PAMR1: variants seen among roughly 807,000 people sequenced by gnomAD.
PAMR1 encodes peptidase domain containing associated with muscle regeneration 1, also known as inactive serine protease PAMR1.
In PAMR1, 88 loss-of-function variants were observed where a neutral mutation model predicts 81.8. The ratio of observed to expected loss-of-function variants is 1.08; its 90% CI spans 0.91 to 1.28. The LOEUF (loss-of-function observed/expected upper bound fraction) is 1.28. Among genes scored for constraint, PAMR1 ranks in the 50% most tolerant of loss-of-function variants. The pLI is 0.00. For missense variants in PAMR1, 935 were observed against 919.7 expected (o/e 1.02, Z -0.21); for synonymous variants, 336 against 345.3 (o/e 0.97, Z 0.30).
At chr11:35,432,921 G>C (rs760471763) in intron 10 of PAMR1, 29 bp from the exon 11 acceptor site, 17 of 1,534,970 alleles carry the variant, frequency 1.1e-5, no homozygotes, top group South Asian at 2.5e-5. Flanking sequence ...GGCAGCAATG[G>C]TGAGGAGCCA....
chr11:35,448,298 T>A (rs1856338671), intron 6 of PAMR1, among the ~76,000 whole-genome samples: 1 of 152,202 alleles, frequency 6.6e-6, no homozygotes, highest in South Asian at 2.1e-4. Context: ...TTGGTCTTTT[T>A]ACATAATCCC....
chr11:35,508,229 T>G (rs1449659791), intron 1 of PAMR1, among the ~76,000 whole-genome samples: 1 of 152,184 alleles, frequency 6.6e-6, no homozygotes. Context: ...TCCACCTCAA[T>G]ATCAGTTTTT....
intron 3 of PAMR1, among the ~76,000 whole-genome samples, chr11:35,476,689 A>G (rs984885195): frequency 8.5e-5 from 13 of 152,148 alleles, no homozygotes; most frequent in African/African-American, 2.7e-4. Flanking sequence ...TCCACCTAGC[A>G]TCCAAAGCCA....
intron 6 of PAMR1, among the ~76,000 whole-genome samples, chr11:35,442,979 T>G (rs1856208542): frequency 6.6e-6 from 1 of 152,178 alleles, no homozygotes; most frequent in Admixed American, 6.5e-5. Flanking sequence ...AATTATTACC[T>G]GAGTATATTG....
chr11:35,450,468 C>T (rs556342241), intron 6 of PAMR1, among the ~76,000 whole-genome samples: 1 of 152,302 alleles, frequency 6.6e-6, no homozygotes, highest in East Asian at 1.9e-4. Flanking sequence ...TTTCTTAATG[C>T]TTCAAGTGGA....
intron 1 of PAMR1, among the ~76,000 whole-genome samples, chr11:35,511,769 C>A (rs1014214031): frequency 6.6e-6 from 1 of 152,216 alleles, no homozygotes; most frequent in African/African-American, 2.4e-5. Flanking sequence ...CTGTCTGAAT[C>A]TCTGGTATTG....
At chr11:35,487,268 A>G (rs1850528756) in intron 3 of PAMR1, among the ~76,000 whole-genome samples, 1 of 151,822 alleles carries the variant, frequency 6.6e-6, no homozygotes, top group South Asian at 2.1e-4. Context: ...GAAAGCTTCA[A>G]CTTAGAAACT....
intron 1 of PAMR1, among the ~76,000 whole-genome samples, chr11:35,501,123 CTTTTTTTTTCTTT>C (rs1250205741): frequency 1.5e-5 from 2 of 129,726 alleles, no homozygotes; most frequent in South Asian, 2.8e-4. Context: ...ATTTTATAAC[CTTTTTTTTTCTTT>C]TTTTTTTTTT....
At chr11:35,513,426 G>A (rs909016613) in intron 1 of PAMR1, 1 of 152,210 alleles carries the variant, frequency 6.6e-6, no homozygotes, top group Non-Finnish European at 1.5e-5. Flanking sequence ...TCCAGAGTCA[G>A]AGAGCATTAA....
chr11:35,466,512 G>A (rs972359409), intron 6 of PAMR1, among the ~76,000 whole-genome samples: 5 of 152,070 alleles, frequency 3.3e-5, no homozygotes, highest in African/African-American at 9.7e-5. Context: ...TGGATCACGA[G>A]GTCAGGAGAT....
chr11:35,525,088 CT>C (rs111913054), intron 1 of PAMR1, among the ~76,000 whole-genome samples: 33,211 of 152,072 alleles, frequency 0.22, 3,811 homozygotes, highest in Non-Finnish European at 0.25. Context: ...TTATTCCTTT[CT>C]TTCTTTCCCT....
chr11:35,434,541 G>C lies in PAMR1; in HGVS notation c.1597C>G (p.Arg533Gly). Residue 533 changes from arginine (R) to glycine (G), a missense_variant, in exon 10 of 11, where the codon CGG (arginine) becomes GGG (glycine). Physicochemically the swap from Arg to Gly is moderately radical, Grantham distance 125 (BLOSUM62 -2). Transcript: ENST00000619888. ...AGGCTCTGGATGGTCTTCTCATCCC[G>C]GTCATCATCCCGGTAGAATTTCCCC... ...VLGKFYRDDDRDEKTIQSLQI... is the reference protein window; with the variant it reads ...VLGKFYRDDDGDEKTIQSLQI... 6.2e-7 allele frequency: 1 copy of C among 1,613,764 alleles called. No homozygotes were observed. Among genetic ancestry groups the C allele is most frequent in the African/African-American group, 1.3e-5 (1 of 74,906 alleles).
chr11:35,444,829 TTG>T (rs1477619133), intron 6 of PAMR1, among the ~76,000 whole-genome samples: 1 of 152,252 alleles, frequency 6.6e-6, no homozygotes, highest in African/African-American at 2.4e-5. Context: ...ATGGGCTGTT[TTG>T]TGTTTCCTTG....
intron 6 of PAMR1, 49 bp downstream of exon 6, chr11:35,467,952 A>G: frequency 8.5e-7 from 1 of 1,174,368 alleles, no homozygotes; most frequent in Non-Finnish European, 1.2e-6. Context: ...AAATCCTTCC[A>G]TACCAGCCCC....
chr11:35,432,755 G>C lies in PAMR1; in HGVS notation c.1764C>G (p.Ser588Arg), dbSNP rs779119585. 1 of 1,613,918 alleles carries C rather than the reference G, an allele frequency of 6.2e-7. No homozygotes were observed. The highest frequency in any genetic ancestry group is 1.1e-5 in the South Asian group (1 of 91,078). The change falls in exon 11 of 11, where the codon AGC (serine) becomes AGG (arginine). Residue 588 changes from serine (S) to arginine (R), a missense_variant. Ser to Arg is a moderately radical substitution (Grantham distance 110). Coordinates refer to ENST00000619888, the MANE Select transcript of PAMR1 (RefSeq NM_001001991.3). Reference protein sequence around the residue: ...PICLAASRDLSTSFQESHITV... With the variant: ...PICLAASRDLRTSFQESHITV... ...TGATGTGGGACTCCTGGAAGGAAGT[G>C]CTGAGATCCCGACTGGCAGCGAGGC... is the stretch of plus-strand genomic sequence containing the variant.
At chr11:35,450,257 CG>C (rs1856386607) in intron 6 of PAMR1, among the ~76,000 whole-genome samples, 1 of 151,770 alleles carries the variant, frequency 6.6e-6, no homozygotes, top group Admixed American at 6.6e-5. Context: ...GCCAAATCAC[CG>C]GTTTGTCCAC....
At chr11:35,459,758 G>T (rs1856611330) in intron 6 of PAMR1, among the ~76,000 whole-genome samples, 1 of 152,178 alleles carries the variant, frequency 6.6e-6, no homozygotes, top group Non-Finnish European at 1.5e-5. Flanking sequence ...GCTGGAAACT[G>T]CATGGCATGT....
At chr11:35,523,253 A>G (rs1851318271) in intron 1 of PAMR1, among the ~76,000 whole-genome samples, 1 of 152,040 alleles carries the variant, frequency 6.6e-6, no homozygotes, top group South Asian at 2.1e-4. Flanking sequence ...TTTCCTGCCC[A>G]CTGAATATCT....
At chr11:35,435,331 C>A (rs1316337704) in intron 9 of PAMR1, among the ~76,000 whole-genome samples, 1 of 152,080 alleles carries the variant, frequency 6.6e-6, no homozygotes, top group Non-Finnish European at 1.5e-5. Flanking sequence ...ATCATCATAA[C>A]CTTATGATGT....
Sources: allele counts gnomAD v4.1 joint callset (sites outside exome capture counted in the v4.1 genomes callset), GRCh38; gene constraint gnomAD v4.1.1; transcripts MANE v1.5; gene names NCBI Gene and HGNC (gene_info 2026-07-23, HGNC 2026-07-21).